The following TIAL1 variants were observed in gnomAD, a reference collection of about 807,000 sequenced individuals.
TIAL1 encodes TIA1 cytotoxic granule associated RNA binding protein like 1.
TIAL1 carries 7 observed loss-of-function variants against 59.7 expected under a neutral mutation model. That is an observed-to-expected ratio of 0.12 (90% CI 0.07 to 0.22). TIAL1 has a LOEUF of 0.22. Ranked by LOEUF, TIAL1 falls within the 10% of genes least tolerant of loss-of-function variation. The pLI is 1.00. For synonymous variants in TIAL1, 149 were observed against 146.3 expected (o/e 1.02, Z -0.13); for missense variants, 225 against 462.5 (o/e 0.49, Z 4.71).
chr10:119,582,711 AGCT>A lies in TIAL1; in HGVS notation c.130-157_130-155del. On this transcript the variant is annotated intron_variant, in intron 2 of 11. Coordinates refer to ENST00000436547, the MANE Select transcript of TIAL1 (RefSeq NM_003252.4). The surrounding 1 kb of genome is among the most constrained non-coding windows in gnomAD (Gnocchi z 5.1). ...CTAACACTTTTTAAATAAGATTTAA[AGCT>A]AAACCTGACTTTGCACCTCAGAATA... 1 of 1,272,222 alleles carries A rather than the reference AGCT, an allele frequency of 7.9e-7. No homozygotes were observed. The highest frequency in any genetic ancestry group is 1.0e-6 in the Non-Finnish European group (1 of 965,578). The allele number at this position is 1,272,222 out of a possible 1,614,324, so 78.8% of individuals were successfully genotyped here.
At chr10:119,580,751 T>A in intron 5 of TIAL1, 1 of 1,067,602 alleles carries the variant, frequency 9.4e-7, no homozygotes, top group Non-Finnish European at 1.1e-6. Flanking sequence ...ATAATAAGAA[T>A]AAATAGAAAT....
chr10:119,580,778 A>G, intron 5 of TIAL1: 1 of 1,099,084 alleles, frequency 9.1e-7, no homozygotes, highest in Non-Finnish European at 1.1e-6. Context: ...AAAAATCTAC[A>G]ACTGAGTTCC....
chr10:119,577,761 C>T (rs760071869), intron 7 of TIAL1, 25 bp from the exon 8 acceptor site: 10 of 1,556,602 alleles, frequency 6.4e-6, no homozygotes, highest in East Asian at 2.2e-5. Flanking sequence ...AAAACAAAAA[C>T]GTTGACTGTT....
chr10:119,596,456 C>T lies in TIAL1; in HGVS notation c.10G>A (p.Asp4Asn), dbSNP rs750707745. Residue 4 changes from aspartate to asparagine, a missense_variant, in exon 1 of 12, where the codon GAC becomes AAC. Physicochemically the swap from Asp to Asn is conservative, Grantham distance 23. This residue lies in a region of TIAL1 where 39 missense variants were observed against 59.5 expected (regional missense o/e 0.66). Transcript: ENST00000436547. MME[D>N]DGQPRTLYVG... ...CACAGAGTCCGGGGCTGCCCGTCGT[C>T]TTCCATCATGGTGGGTGCGACGGAG... 6.3e-7 allele frequency: 1 copy of T among 1,576,290 alleles called. No homozygotes were observed. The highest frequency in any genetic ancestry group is 8.6e-7 in the Non-Finnish European group (1 of 1,159,182).
At chr10:119,587,435 C>T (rs564593673) in intron 2 of TIAL1, among the ~76,000 whole-genome samples, 8 of 152,312 alleles carry the variant, frequency 5.3e-5, no homozygotes, top group Admixed American at 2.0e-4. Flanking sequence ...CCTAAGGCTG[C>T]ACTGGATACA....
At chr10:119,589,075 G>T (rs1412325567) in intron 1 of TIAL1, among the ~76,000 whole-genome samples, 1 of 152,168 alleles carries the variant, frequency 6.6e-6, no homozygotes, top group Non-Finnish European at 1.5e-5. Flanking sequence ...AACATACAGA[G>T]GGTGGAGGGT....
Position 119,582,115 on chromosome 10 carries a change from C to G in TIAL1, c.283+54G>C. 1 of 1,595,730 alleles carries G rather than the reference C, an allele frequency of 6.3e-7. No homozygotes were observed. The highest frequency in any genetic ancestry group is 1.1e-5 in the South Asian group (1 of 88,632). On this transcript the variant is annotated intron_variant, in intron 4 of 11. Transcript: ENST00000436547. This position sits in a 1 kb window ranked among gnomAD's most constrained non-coding sequence, Gnocchi z 5.1. ...AAAAAACCTATTTAAGCTGGTAATG[C>G]CTCCTGGATAATTTCAGAACTCTTC... is the stretch of plus-strand genomic sequence containing the variant.
At chr10:119,577,419 G>T in intron 9 of TIAL1, 32 bp downstream of exon 9, 1 of 1,563,858 alleles carries the variant, frequency 6.4e-7, no homozygotes. Flanking sequence ...TCAAATATAA[G>T]AGTAATAATG....
At chr10:119,577,254 C>A in intron 9 of TIAL1, 51 bp from the exon 10 acceptor site, 1 of 1,556,450 alleles carries the variant, frequency 6.4e-7, no homozygotes, top group Non-Finnish European at 8.6e-7. Flanking sequence ...AAGAACCTAA[C>A]ACAATAAATA....
In TIAL1 at chr10:119,574,279, ACTTAAGCCTCTGCTCAGG is replaced by A. The variant is rs1251188650; in HGVS notation, c.*1368_*1385del. 1 of 152,218 alleles carries A rather than the reference ACTTAAGCCTCTGCTCAGG, an allele frequency of 6.6e-6. No homozygotes were observed. The highest frequency in any genetic ancestry group is 1.5e-5 in the Non-Finnish European group (1 of 68,038). The allele number at this position is 152,218 out of a possible 1,614,324, so 9.4% of individuals were successfully genotyped here. On this transcript the variant is annotated 3_prime_UTR_variant, in exon 12 of 12. Coordinates refer to ENST00000436547, the MANE Select transcript of TIAL1 (RefSeq NM_003252.4). The stretch of plus-strand genomic sequence containing the variant: ...CCTTTACAAACTCTGCACACATACA[ACTTAAGCCTCTGCTCAGG>A]CTTATTATACCATGCACACTGCCCA...
Position 119,574,603 on chromosome 10 carries a change from A to AC in TIAL1, c.*1061_*1062insG, listed in dbSNP as rs1280685139. On this transcript the variant is annotated 3_prime_UTR_variant, in exon 12 of 12. Transcript: ENST00000436547. ...ATGTAAAGCAAAAAAAAAAAAAAAA[A>AC]AAAACAAAAACAAAAAACTAATTCC... 2.8e-4 allele frequency: 40 copies of AC among 144,182 alleles called. No homozygotes were observed. The highest frequency in any genetic ancestry group is 3.0e-4 in the African/African-American group (11 of 36,902). The allele number at this position is 144,182 out of a possible 1,614,324, so 8.9% of individuals were successfully genotyped here.
At chr10:119,576,971 T>A in intron 10 of TIAL1, 109 bp downstream of exon 10, 1 of 1,434,264 alleles carries the variant, frequency 7.0e-7, no homozygotes, top group Non-Finnish European at 9.4e-7. Flanking sequence ...TACAATCAAC[T>A]GAAAGTAGCT....
chr10:119,584,000 T>G lies in TIAL1; in HGVS notation c.130-1443A>C, dbSNP rs370428227. ...GCTAGTTGAGTTTTCCTTTCACTCC[T>G]ATCTCTTTTGCCCCAATGGTCTCTA... On this transcript the variant is annotated intron_variant, in intron 2 of 11. Coordinates refer to ENST00000436547, the MANE Select transcript of TIAL1 (RefSeq NM_003252.4). Among the ~76,000 whole-genome samples the G allele has an allele frequency of 1.0e-3, 155 of 152,328 alleles. 2 individuals carry two copies. The South Asian group carries it at 0.03, about 30-fold the overall frequency.
At chr10:119,580,815 C>T (rs1408652932) in intron 5 of TIAL1, 2 of 1,236,176 alleles carry the variant, frequency 1.6e-6, no homozygotes, top group Non-Finnish European at 2.1e-6. Flanking sequence ...TGCAGTTAGC[C>T]TTCAAGATCC....
chr10:119,575,829 A>G (rs778170994), intron 11 of TIAL1, 38 bp from the exon 12 acceptor site: 2 of 1,440,506 alleles, frequency 1.4e-6, no homozygotes, highest in Non-Finnish European at 1.8e-6. Context: ...CAAACACAAG[A>G]AAAAAAAAAT....
At chr10:119,583,573 A>G (rs1845399710) in intron 2 of TIAL1, among the ~76,000 whole-genome samples, 1 of 152,230 alleles carries the variant, frequency 6.6e-6, no homozygotes, top group South Asian at 2.1e-4. Context: ...AAAATGCCCT[A>G]TAAGAATAAT....
intron 5 of TIAL1, chr10:119,580,223 T>C (rs1845238301): frequency 2.1e-6 from 1 of 466,534 alleles, no homozygotes; most frequent in Middle Eastern, 5.0e-4. Context: ...TGCAACCTAA[T>C]CAAATAGCCT....
chr10:119,588,175 T>C lies in TIAL1; in HGVS notation c.106A>G (p.Lys36Glu). The C allele has an allele frequency of 6.3e-7, 1 of 1,592,404 alleles. No homozygotes were observed. Among genetic ancestry groups the C allele is most frequent in the Non-Finnish European group, 8.6e-7 (1 of 1,167,562 alleles). The part of the protein sequence containing the change: ...LQLFSQIGPC[K>E]SCKMITEHTS... ...ACCTCTGTTATCATTTTACAGCTTT[T>C]ACAGGGTCCAATCTGACTGAACAAC... The change falls in exon 2 of 12, where the codon AAA becomes GAA. Residue 36 changes from lysine to glutamate, a missense_variant. Physicochemically the swap from Lys to Glu is moderately conservative, Grantham distance 56. Around this residue, in one of 4 missense-constraint regions of TIAL1, gnomAD observed 39 missense variants for 59.5 expected, o/e 0.66. Transcript: ENST00000436547.
rs371554166 is a variant in TIAL1, at chr10:119,577,740, T to C, written c.557-4A>G. The C allele has an allele frequency of 6.2e-7, 1 of 1,611,420 alleles. No homozygotes were observed. ...AATCTCAACTGCTTAGTGTTGTCTG[T>C]ATGCAGAAACAAAACAAAAACGTTG... On this transcript the variant is annotated splice_polypyrimidine_tract_variant and splice_region_variant and intron_variant, in intron 7 of 11. Transcript: ENST00000436547.
Sources: gnomAD v4.1 joint callset for allele counts (sites outside exome capture counted in the v4.1 genomes callset) on GRCh38, gnomAD v4.1.1 for gene constraint, gnomAD v4.1.1 regional missense constraint, Gnocchi (gnomAD v3.1) non-coding constraint, MANE v1.5 for transcripts, NCBI Gene and HGNC (gene_info 2026-07-23, HGNC 2026-07-21) for gene names.